Variants in NRXN3 observed in about 807,000 individuals in gnomAD.
NRXN3 encodes the protein neurexin 3.
A neutral mutation model predicts 137.6 loss-of-function variants in NRXN3; 32 were observed. The observed-to-expected ratio is 0.23, with a 90% CI of 0.18 to 0.31. The LOEUF is 0.31. NRXN3 is among the 10% of genes least tolerant of loss of function. The probability of loss-of-function intolerance (pLI) is 1.00; values close to 1 mark genes in which losing one functional copy is unlikely to be tolerated. For synonymous variants in NRXN3, 798 were observed against 784.5 expected, an observed-to-expected ratio of 1.02 and a Z score of -0.29; for missense variants, 1,574 against 2,062.5, an observed-to-expected ratio of 0.76 and a Z score of 4.59.
At chr14:79,153,212 G>A (rs920274680) in intron 15 of NRXN3, among the ~76,000 whole-genome samples, 3 of 151,906 alleles carry the variant, frequency 2.0e-5, no homozygotes, top group African/African-American at 4.8e-5. Context: ...TAACTGCAAT[G>A]TATCTGTCTA....
intron 16 of NRXN3, among the ~76,000 whole-genome samples, chr14:79,489,405 T>C (rs753192699): frequency 2.0e-5 from 3 of 152,104 alleles, no homozygotes; most frequent in Non-Finnish European, 4.4e-5. Flanking sequence ...ACCAATCCAG[T>C]CGGGTGGGCC....
At chr14:78,998,980 A>G (rs529265419) in intron 15 of NRXN3, among the ~76,000 whole-genome samples, 1 of 151,830 alleles carries the variant, frequency 6.6e-6, no homozygotes, top group Admixed American at 6.6e-5. Flanking sequence ...GGTTCTTATT[A>G]TTTTCTTCAC....
At chr14:78,970,277 T>A (rs200178654) in intron 14 of NRXN3, among the ~76,000 whole-genome samples, 22,338 of 152,084 alleles carry the variant, frequency 0.15, 2,578 homozygotes, top group African/African-American at 0.33. Context: ...AGTAGCTACA[T>A]TTTAAAAAGG....
chr14:79,500,951 C>T (rs574284833), intron 16 of NRXN3, among the ~76,000 whole-genome samples: 77 of 152,234 alleles, frequency 5.1e-4, no homozygotes, highest in African/African-American at 1.8e-3. Flanking sequence ...ATGTTGGTCT[C>T]TTTTTTTCAT....
chr14:78,184,362 C>A (rs1027695305), intron 1 of NRXN3, among the ~76,000 whole-genome samples: 1 of 152,212 alleles, frequency 6.6e-6, no homozygotes, highest in Non-Finnish European at 1.5e-5. Flanking sequence ...CCACTCATGT[C>A]TTTGAGCTTC....
At chr14:79,232,940 A>C (rs1483323662) in intron 15 of NRXN3, among the ~76,000 whole-genome samples, 2 of 152,326 alleles carry the variant, frequency 1.3e-5, no homozygotes, top group East Asian at 3.9e-4. Flanking sequence ...TTATGCACCA[A>C]AATAAATACT....
intron 15 of NRXN3, chr14:79,280,885 T>G (rs115249717): frequency 1.6e-4 from 36 of 228,218 alleles, no homozygotes; most frequent in African/African-American, 8.1e-4. Flanking sequence ...GTGCTGTACT[T>G]GGAGAAATAT....
At chr14:78,402,088 A>G (rs554857895) in intron 4 of NRXN3, among the ~76,000 whole-genome samples, 70 of 152,344 alleles carry the variant, frequency 4.6e-4, no homozygotes, top group African/African-American at 1.6e-3. Context: ...CACATTGTAC[A>G]TTGTGTGCTA....
chr14:78,521,304 TGTTTA>T (rs1470930220), intron 4 of NRXN3, among the ~76,000 whole-genome samples: 1 of 152,202 alleles, frequency 6.6e-6, no homozygotes, highest in African/African-American at 2.4e-5. Flanking sequence ...TCTTTCTTGA[TGTTTA>T]GGTTAGTTTG....
At chr14:79,729,587 CTT>C (rs1402983084) in intron 19 of NRXN3, among the ~76,000 whole-genome samples, 1 of 152,152 alleles carries the variant, frequency 6.6e-6, no homozygotes, top group Non-Finnish European at 1.5e-5. Flanking sequence ...GGGTGAAATC[CTT>C]TTTGCTTCTC....
At chr14:78,903,147 C>CTTTTTT (rs965920523) in intron 10 of NRXN3, among the ~76,000 whole-genome samples, 16,812 of 120,724 alleles carry the variant, frequency 0.14, 1,226 homozygotes, top group East Asian at 0.23. Context: ...GTTTCATCTT[C>CTTTTTT]TTTTTTTTTT....
At chr14:78,475,819 A>G (rs529174793) in intron 4 of NRXN3, among the ~76,000 whole-genome samples, 10 of 152,238 alleles carry the variant, frequency 6.6e-5, no homozygotes, top group Non-Finnish European at 1.3e-4. Flanking sequence ...AAGAGGAAGA[A>G]GAATGATAGA....
intron 15 of NRXN3, among the ~76,000 whole-genome samples, chr14:79,085,592 TC>T (rs1426164320): frequency 6.6e-6 from 1 of 152,214 alleles, no homozygotes; most frequent in African/African-American, 2.4e-5. Context: ...AATTTTCATT[TC>T]TAGCATTAAC....
At chr14:78,745,449 C>T (rs1407882574) in intron 8 of NRXN3, 1 of 152,188 alleles carries the variant, frequency 6.6e-6, no homozygotes, top group East Asian at 1.9e-4. Context: ...TAATGCCTTC[C>T]ATATTACCAC....
chr14:78,671,916 TC>T (rs2097940211), intron 6 of NRXN3, among the ~76,000 whole-genome samples: 1 of 152,198 alleles, frequency 6.6e-6, no homozygotes, highest in Non-Finnish European at 1.5e-5. Flanking sequence ...TCAGTTGAGT[TC>T]AATTCAGTTT....
At chr14:79,362,024 A>ATTAT (rs2093701427) in intron 15 of NRXN3, among the ~76,000 whole-genome samples, 1 of 147,572 alleles carries the variant, frequency 6.8e-6, no homozygotes, top group Non-Finnish European at 1.5e-5. Flanking sequence ...TATTATTATT[A>ATTAT]TTATTATTAT....
At chr14:78,272,753 G>C (rs77873938) in intron 2 of NRXN3, among the ~76,000 whole-genome samples, 2 of 152,174 alleles carry the variant, frequency 1.3e-5, no homozygotes, top group African/African-American at 4.8e-5. Context: ...GTGCTGCTGA[G>C]TCTGAGAGGT....
intron 15 of NRXN3, among the ~76,000 whole-genome samples, chr14:79,103,587 A>G (rs1159260084): frequency 6.6e-6 from 1 of 152,146 alleles, no homozygotes; most frequent in African/African-American, 2.4e-5. Context: ...ATTTATCAAC[A>G]TGGTAGGACA....
At chr14:78,882,821 G>C (rs2099132978) in intron 10 of NRXN3, among the ~76,000 whole-genome samples, 1 of 151,392 alleles carries the variant, frequency 6.6e-6, no homozygotes, top group Non-Finnish European at 1.5e-5. Context: ...ATTTGTGAGG[G>C]GCCAGGGGCA....
Sources: gnomAD v4.1 joint callset for allele counts (sites outside exome capture counted in the v4.1 genomes callset) on GRCh38, gnomAD v4.1.1 for gene constraint, MANE v1.5 for transcripts, NCBI Gene and HGNC (gene_info 2026-07-23, HGNC 2026-07-21) for gene names.